Variants in GNG12 observed in about 807,000 individuals in gnomAD.
GNG12 encodes G protein subunit gamma 12.
For synonymous variants in GNG12, 28 were observed against 29.7 expected (o/e 0.94, Z 0.19); for missense variants, 69 against 83.8 (o/e 0.82, Z 0.69).
At chr1:67,711,312 G>A (rs1178663609) in intron 2 of GNG12, among the ~76,000 whole-genome samples, 2 of 152,194 alleles carry the variant, frequency 1.3e-5, no homozygotes, top group East Asian at 1.9e-4. Context: ...ATATAAACAG[G>A]TTGACAGGAG....
intron 1 of GNG12, among the ~76,000 whole-genome samples, chr1:67,805,420 T>G (rs927501693): frequency 6.6e-6 from 1 of 152,154 alleles, no homozygotes; most frequent in South Asian, 2.1e-4. Context: ...ATTAATAAGC[T>G]AAGGGCTTTA....
chr1:67,808,750 A>AG (rs1646907414), intron 1 of GNG12, among the ~76,000 whole-genome samples: 1 of 152,164 alleles, frequency 6.6e-6, no homozygotes, highest in Non-Finnish European at 1.5e-5. Context: ...AACATGTATA[A>AG]GATCTGTATA....
intron 1 of GNG12, among the ~76,000 whole-genome samples, chr1:67,798,568 A>C (rs368816026): frequency 6.6e-6 from 1 of 152,058 alleles, no homozygotes; most frequent in East Asian, 1.9e-4. Context: ...CGAGACAGCG[A>C]GACAAACCCC....
intron 2 of GNG12, among the ~76,000 whole-genome samples, chr1:67,712,454 G>A (rs114962785): frequency 0.01 from 1,557 of 152,310 alleles, 23 homozygotes; most frequent in African/African-American, 0.036. Flanking sequence ...ACTTTGGGAG[G>A]CCAAGGTGGG....
intron 2 of GNG12, among the ~76,000 whole-genome samples, chr1:67,740,631 G>T (rs1336604303): frequency 6.6e-6 from 1 of 152,296 alleles, no homozygotes; most frequent in African/African-American, 2.4e-5. Context: ...AAATGTTTGT[G>T]TCTCCCCAAA....
chr1:67,759,130 C>T (rs754879029), intron 2 of GNG12, among the ~76,000 whole-genome samples: 17 of 152,108 alleles, frequency 1.1e-4, no homozygotes, highest in Non-Finnish European at 2.1e-4. Context: ...ATCAAAATAC[C>T]ACATGTATCC....
intron 2 of GNG12, among the ~76,000 whole-genome samples, chr1:67,711,258 T>A (rs1430260166): frequency 6.6e-6 from 1 of 152,214 alleles, no homozygotes; most frequent in East Asian, 1.9e-4. Flanking sequence ...ATGACTTCCC[T>A]CTACCTTTCT....
At chr1:67,826,265 AC>A (rs1193957955) in intron 1 of GNG12, among the ~76,000 whole-genome samples, 1 of 152,176 alleles carries the variant, frequency 6.6e-6, no homozygotes, top group Non-Finnish European at 1.5e-5. Flanking sequence ...GTACACCTAG[AC>A]TTTTGCAGGC....
At chr1:67,810,924 T>C (rs1440376163) in intron 1 of GNG12, among the ~76,000 whole-genome samples, 2 of 152,234 alleles carry the variant, frequency 1.3e-5, no homozygotes, top group Admixed American at 6.5e-5. Context: ...TTACATGTAA[T>C]ACAACAGGTA....
intron 3 of GNG12, 53 bp downstream of exon 3, chr1:67,707,541 G>T: frequency 3.2e-6 from 3 of 941,394 alleles, no homozygotes; most frequent in Non-Finnish European, 3.4e-6. Context: ...CCAGCCACAA[G>T]GAACAGGGGG....
chr1:67,805,873 A>C (rs1646891842), intron 1 of GNG12, among the ~76,000 whole-genome samples: 1 of 151,142 alleles, frequency 6.6e-6, no homozygotes, highest in Non-Finnish European at 1.5e-5. Flanking sequence ...ACCTCAGAAA[A>C]TCAAAGATAA....
chr1:67,709,392 C>T (rs1306272189), intron 2 of GNG12, among the ~76,000 whole-genome samples: 2 of 152,228 alleles, frequency 1.3e-5, no homozygotes, highest in Non-Finnish European at 2.9e-5. Context: ...GCTATCGGCA[C>T]CAGCCCTTTT....
chr1:67,803,222 A>G (rs1207284749), intron 1 of GNG12, among the ~76,000 whole-genome samples: 1 of 134,352 alleles, frequency 7.4e-6, no homozygotes, highest in Admixed American at 7.5e-5. Context: ...ATTTTAATTT[A>G]AAGTTAGTTG....
At chr1:67,814,935 A>G (rs1335911850) in intron 1 of GNG12, among the ~76,000 whole-genome samples, 2 of 152,220 alleles carry the variant, frequency 1.3e-5, no homozygotes, top group Non-Finnish European at 2.9e-5. Flanking sequence ...GACACACAAC[A>G]AAGTTACTTC....
chr1:67,761,973 C>A (rs1646608099), intron 2 of GNG12, among the ~76,000 whole-genome samples: 1 of 152,190 alleles, frequency 6.6e-6, no homozygotes, highest in Non-Finnish European at 1.5e-5. Flanking sequence ...CCAGTGGGAC[C>A]TAGAGCTTCC....
At chr1:67,749,178 T>TA (rs1162971307) in intron 2 of GNG12, among the ~76,000 whole-genome samples, 1 of 152,178 alleles carries the variant, frequency 6.6e-6, no homozygotes, top group Non-Finnish European at 1.5e-5. Flanking sequence ...TCTGCTAACT[T>TA]AGTTTGGAGG....
At chr1:67,730,970 C>T (rs562557256) in intron 2 of GNG12, among the ~76,000 whole-genome samples, 21 of 152,206 alleles carry the variant, frequency 1.4e-4, no homozygotes, top group African/African-American at 5.1e-4. Flanking sequence ...TCATGGTATT[C>T]CATAGCATTC....
intron 1 of GNG12, among the ~76,000 whole-genome samples, chr1:67,822,733 CTTT>C (rs113078404): frequency 6.7e-6 from 1 of 150,276 alleles, no homozygotes; most frequent in Non-Finnish European, 1.5e-5. Flanking sequence ...TGTTTTTTTG[CTTT>C]TTTTTTGTTT....
chr1:67,741,094 C>T (rs1444685375), intron 2 of GNG12, among the ~76,000 whole-genome samples: 1 of 152,196 alleles, frequency 6.6e-6, no homozygotes, highest in East Asian at 1.9e-4. Flanking sequence ...ATTAATCAGA[C>T]AGCTTATTAC....
Sources: allele counts gnomAD v4.1 joint callset (sites outside exome capture counted in the v4.1 genomes callset), GRCh38; gene constraint gnomAD v4.1.1; transcripts MANE v1.5; gene names NCBI Gene and HGNC (gene_info 2026-07-23, HGNC 2026-07-21).